The following NLRP5 variants were observed in gnomAD, a reference collection of about 807,000 sequenced individuals.
NLRP5 encodes NLR family pyrin domain containing 5.
NLRP5 carries 93 observed loss-of-function variants against 113.1 expected under a neutral mutation model. The ratio of observed to expected loss-of-function variants is 0.82; its 90% CI spans 0.70 to 0.98. The LOEUF is 0.98. Ranked by LOEUF, NLRP5 falls within the 50% of genes least tolerant of loss-of-function variation. The pLI is 0.00. For missense variants in NLRP5, 1,808 were observed against 1,514.3 expected (o/e 1.19, Z -3.22); for synonymous variants, 751 against 600.7 (o/e 1.25, Z -3.66).
intron 13 of NLRP5, among the ~76,000 whole-genome samples, chr19:56,055,975 G>A (rs1291195196): frequency 6.6e-6 from 1 of 152,160 alleles, no homozygotes; most frequent in African/African-American, 2.4e-5. Context: ...GAGAATCACA[G>A]GATCAAAACA....
chr19:56,027,218 G>A lies in NLRP5; in HGVS notation c.985G>A (p.Glu329Lys), dbSNP rs1982895519. Residue 329 changes from glutamate to lysine, a missense_variant, in exon 7 of 15, where the codon GAG becomes AAG. Glu to Lys is a moderately conservative substitution (Grantham distance 56). Transcript: ENST00000390649. ...CGTTAGAGAGATGCAGCGGAAGAAG[G>A]AGAGCAGTGTCACAGAGTTCATCTC... The A allele has an allele frequency of 1.9e-6, 3 of 1,612,210 alleles. No homozygotes were observed. In the Admixed American group the frequency reaches 5.0e-5, roughly 27 times the overall value.
At chr19:55,995,619 T>C (rs145565780), upstream of NLRP5, among the ~76,000 whole-genome samples, 30 of 152,342 alleles carry the variant, frequency 2.0e-4, no homozygotes, top group African/African-American at 7.0e-4. Context: ...TTTCTATTTC[T>C]GTGAAGAATG....
rs1555767859 is a variant in NLRP5 at position 56,030,714 on chromosome 19, C to CTTCTTCT, written c.2277-1895_2277-1894insCTTCTTT. ...ACTTACATTCATTCGCTTTCTTCTT[C>CTTCTTCT]TTTTTTTTTTTTTTTTTTGAGACGG... On this transcript the variant is annotated intron_variant, in intron 7 of 14. Transcript: ENST00000390649. Among the ~76,000 whole-genome samples, 12 of 71,358 alleles carry CTTCTTCT rather than the reference C, an allele frequency of 1.7e-4. No individual in the cohort carries two copies. In the South Asian group the frequency reaches 3.9e-3, roughly 23 times the overall value. 46.8% of individuals were successfully genotyped at this position (71,358 alleles called of 152,430 possible).
intron 1 of NLRP5, among the ~76,000 whole-genome samples, chr19:56,003,163 T>C (rs1399701543): frequency 6.6e-6 from 1 of 151,972 alleles, no homozygotes; most frequent in Non-Finnish European, 1.5e-5. Flanking sequence ...CAGTGGTTTT[T>C]TGTTTTTTGA....
chr19:56,044,244 A>C (rs1273864100), intron 11 of NLRP5, among the ~76,000 whole-genome samples: 2 of 151,794 alleles, frequency 1.3e-5, no homozygotes, highest in Non-Finnish European at 2.9e-5. Context: ...TTGTATTTTT[A>C]GTAGAGACGG....
rs762335945 is a variant in NLRP5 at position 56,008,868 on chromosome 19, G to C, written c.508+15G>C. The C allele has an allele frequency of 3.1e-6, 5 of 1,609,656 alleles. No homozygotes were observed. The South Asian group carries it at 5.5e-5, about 18-fold the overall frequency. On this transcript the variant is annotated intron_variant, in intron 3 of 14. Transcript: ENST00000390649. Reference sequence around the variant, plus strand: ...AAAAGTGCCAGGTTAGAGGGGTGGAGTTGGGGGAAATAGGATGTGCTTAAA... The same window carrying C: ...AAAAGTGCCAGGTTAGAGGGGTGGACTTGGGGGAAATAGGATGTGCTTAAA...
intron 7 of NLRP5, among the ~76,000 whole-genome samples, chr19:56,030,982 G>T (rs1220567924): frequency 6.6e-6 from 1 of 151,838 alleles, no homozygotes; most frequent in Non-Finnish European, 1.5e-5. Context: ...AAAGTGCCGG[G>T]ATGACAGGCG....
chr19:56,058,290 C>T lies in NLRP5; in HGVS notation c.3350C>T (p.Ala1117Val), dbSNP rs747701707. Residue 1117 changes from alanine (A) to valine (V), a missense_variant, in exon 14 of 15, where the codon GCC becomes GTC. Coordinates refer to ENST00000390649, the MANE Select transcript of NLRP5 (RefSeq NM_153447.4). The stretch of plus-strand genomic sequence containing the variant: ...GATTGCTGTGAGGCACTCTCCTTGG[C>T]CCTTTCCTGCAACCGGCATCTGACC... 5 of 1,613,798 alleles carry T rather than the reference C, an allele frequency of 3.1e-6. No individual in the cohort carries two copies. The highest frequency in any genetic ancestry group is 1.7e-5 in the Admixed American group (1 of 59,990).
rs968959882 is a variant in NLRP5 at position 56,024,541 on chromosome 19, GTA to G, written c.680-2370_680-2369del. On this transcript the variant is annotated intron_variant, in intron 6 of 14. Coordinates refer to ENST00000390649, the MANE Select transcript of NLRP5 (RefSeq NM_153447.4). ...TATGTATATGTATACATATGTATAT[GTA>G]TGTATATGTGTATATATGTATATAT... Among the ~76,000 whole-genome samples, 9 of 131,570 alleles carry G rather than the reference GTA, an allele frequency of 6.8e-5. No homozygotes were observed. In the East Asian group the frequency reaches 1.8e-3, roughly 26 times the overall value. 86.3% of individuals were successfully genotyped at this position (131,570 alleles called of 152,430 possible). A position where few individuals can be genotyped will look rare whatever the true frequency, so the allele number is the denominator to read the frequency against.
chr19:55,990,760 G>A, the NLRP5 span, among the ~76,000 whole-genome samples: 1 of 152,190 alleles, frequency 6.6e-6, no homozygotes, highest in African/African-American at 2.4e-5. Context: ...GGGAGGCGGA[G>A]CTGGCAGTGA....
In NLRP5 at chr19:56,006,835, G is replaced by T. The variant is rs532621829; in HGVS notation, c.443-1953G>T. On this transcript the variant is annotated intron_variant, in intron 2 of 14. Transcript: ENST00000390649. ...GCTCACCGCAAGCTCCGCCTTCCGGGTTCATGCCATTCTCCTGCTTCAGCC... is the reference window on the plus strand; with the variant it reads ...GCTCACCGCAAGCTCCGCCTTCCGGTTTCATGCCATTCTCCTGCTTCAGCC... Among the ~76,000 whole-genome samples the T allele has an allele frequency of 2.7e-3, 407 of 151,854 alleles. 1 individual carries two copies. The highest frequency in any genetic ancestry group is 4.1e-3 in the Non-Finnish European group (279 of 67,938).
At chr19:56,038,880 T>G (rs1983416766) in intron 10 of NLRP5, among the ~76,000 whole-genome samples, 1 of 152,182 alleles carries the variant, frequency 6.6e-6, no homozygotes, top group Non-Finnish European at 1.5e-5. Flanking sequence ...GGTAAGATCC[T>G]AGCTCACTAC....
intron 5 of NLRP5, 94 bp from the exon 6 acceptor site, chr19:56,020,281 A>G: frequency 2.0e-6 from 3 of 1,482,010 alleles, no homozygotes. Context: ...CTGGCCAGAA[A>G]ATAAATATGG....
chr19:56,049,550 C>A (rs1235505493), intron 11 of NLRP5, among the ~76,000 whole-genome samples: 1 of 150,940 alleles, frequency 6.6e-6, no homozygotes, highest in Non-Finnish European at 1.5e-5. Context: ...CCTGGTGATC[C>A]TCCCGCCTTG....
chr19:55,998,710 G>GTATATATATATA (rs1555762445), upstream of NLRP5, among the ~76,000 whole-genome samples: 2 of 67,856 alleles, frequency 2.9e-5, no homozygotes, highest in African/African-American at 1.7e-4. Flanking sequence ...ATATGTGTGT[G>GTATATATATATA]TGTGTATATA....
intron 11 of NLRP5, among the ~76,000 whole-genome samples, chr19:56,042,462 C>T (rs1422870520): frequency 5.3e-5 from 8 of 152,186 alleles, no homozygotes; most frequent in Non-Finnish European, 1.2e-4. Context: ...GATTCTCCTG[C>T]TTCAGCCTCC....
At chr19:56,036,347 T>G (rs1369596263) in intron 9 of NLRP5, among the ~76,000 whole-genome samples, 3 of 151,470 alleles carry the variant, frequency 2.0e-5, no homozygotes, top group Non-Finnish European at 4.4e-5. Context: ...GATTACAGGC[T>G]TGAGCCACTG....
At chr19:56,002,469 TTTA>T (rs774683954) in intron 1 of NLRP5, among the ~76,000 whole-genome samples, 68 of 152,042 alleles carry the variant, frequency 4.5e-4, no homozygotes, top group Non-Finnish European at 8.7e-4. Flanking sequence ...TTTTTTTAAT[TTTA>T]TTATTATTAT....
chr19:56,021,234 T>G (rs575106843), intron 6 of NLRP5, among the ~76,000 whole-genome samples: 2 of 152,322 alleles, frequency 1.3e-5, no homozygotes, highest in South Asian at 4.1e-4. Flanking sequence ...AAGATGAGTC[T>G]AAAGTGCTAT....
Sources: gnomAD v4.1 joint callset for allele counts (sites outside exome capture counted in the v4.1 genomes callset) on GRCh38, gnomAD v4.1.1 for gene constraint, MANE v1.5 for transcripts, NCBI Gene and HGNC (gene_info 2026-07-23, HGNC 2026-07-21) for gene names.